The following THSD4 variants were observed in gnomAD, a reference collection of about 807,000 sequenced individuals.
The protein encoded by THSD4 is thrombospondin type 1 domain containing 4.
A neutral mutation model predicts 119.0 loss-of-function variants in THSD4; 69 were observed. The ratio of observed to expected loss-of-function variants is 0.58; its 90% CI spans 0.48 to 0.71. The LOEUF (loss-of-function observed/expected upper bound fraction) is 0.71, where lower values mean the gene tolerates loss of function less well. Among genes scored for constraint, THSD4 ranks in the 30% least tolerant of loss-of-function variants. The probability of loss-of-function intolerance (pLI) is 0.00; values close to 1 mark genes in which losing one functional copy is unlikely to be tolerated. For synonymous variants in THSD4, 524 were observed against 540.4 expected, an observed-to-expected ratio of 0.97 and a Z score of 0.42; for missense variants, 1,393 against 1,391.1, an observed-to-expected ratio of 1.00 and a Z score of -0.02.
intron 8 of THSD4, among the ~76,000 whole-genome samples, chr15:71,693,818 C>A (rs1212854563): frequency 6.6e-6 from 1 of 152,214 alleles, no homozygotes; most frequent in South Asian, 2.1e-4. Flanking sequence ...CGCCTGCCAC[C>A]ATGTAAGACA....
At chr15:71,442,265 G>A (rs910400922) in intron 7 of THSD4, among the ~76,000 whole-genome samples, 16 of 151,668 alleles carry the variant, frequency 1.1e-4, no homozygotes, top group Admixed American at 1.0e-3. Flanking sequence ...GCCCCTTGTT[G>A]CTATCCAAAG....
At chr15:71,235,420 G>C (rs1346089876) in intron 4 of THSD4, among the ~76,000 whole-genome samples, 5 of 152,124 alleles carry the variant, frequency 3.3e-5, no homozygotes, top group Non-Finnish European at 5.9e-5. Context: ...TTTCTCCACA[G>C]AATCTAGTAC....
chr15:71,407,811 C>T (rs1198550225), intron 6 of THSD4, among the ~76,000 whole-genome samples: 1 of 152,178 alleles, frequency 6.6e-6, no homozygotes, highest in African/African-American at 2.4e-5. Context: ...TTGACCATGT[C>T]CTAGACCTCA....
chr15:71,506,438 G>C lies in THSD4; in HGVS notation c.1152+94615G>C, dbSNP rs540151726. The stretch of plus-strand genomic sequence containing the variant: ...AGGAGCTTGCCATCAGCATGGCACA[G>C]AGACAGTAAATTTGTCTCCAGAGAC... On this transcript the variant is annotated intron_variant, in intron 7 of 17. Transcript: ENST00000261862. Among the ~76,000 whole-genome samples the C allele has an allele frequency of 3.3e-5, 5 of 152,286 alleles. No homozygotes were observed. The South Asian group carries it at 1.0e-3, about 32-fold the overall frequency.
intron 6 of THSD4, among the ~76,000 whole-genome samples, chr15:71,400,679 A>G (rs1253762903): frequency 6.6e-6 from 1 of 152,162 alleles, no homozygotes; most frequent in Non-Finnish European, 1.5e-5. Flanking sequence ...ACCCCTGCAT[A>G]TACACTTAAG....
intron 1 of THSD4, among the ~76,000 whole-genome samples, chr15:71,121,139 G>A (rs1310080335): frequency 1.7e-4 from 2 of 11,986 alleles, no homozygotes; most frequent in Non-Finnish European, 4.3e-4. Flanking sequence ...CACTTGTGAT[G>A]TGAAGGAAGA....
intron 8 of THSD4, among the ~76,000 whole-genome samples, chr15:71,699,822 G>C: frequency 6.6e-6 from 1 of 152,028 alleles, no homozygotes; most frequent in South Asian, 2.1e-4. Flanking sequence ...GGAGTAAAAA[G>C]GTCGGTTCAT....
Position 71,208,616 on chromosome 15 carries a change from A to G in THSD4, c.100-6419A>G, listed in dbSNP as rs180890189. 5.9e-4 allele frequency among the ~76,000 whole-genome samples: 89 copies of G among 151,832 alleles called. 1 individual carries two copies. The Middle Eastern group carries it at 0.01, about 17-fold the overall frequency. On this transcript the variant is annotated intron_variant, in intron 3 of 17. Coordinates refer to ENST00000261862, the MANE Select transcript of THSD4 (RefSeq NM_024817.3). Reference sequence around the variant, plus strand: ...AGTCTCTGCCCCCTGGGCTCAAGTGATAATCCTGCCTCACCCTCCTGAGTA... The same window carrying G: ...AGTCTCTGCCCCCTGGGCTCAAGTGGTAATCCTGCCTCACCCTCCTGAGTA...
chr15:71,680,561 TC>T (rs1315085184), intron 8 of THSD4, among the ~76,000 whole-genome samples: 1 of 152,256 alleles, frequency 6.6e-6, no homozygotes, highest in Non-Finnish European at 1.5e-5. Flanking sequence ...TGCTAGGTCC[TC>T]CTTAACTTAC....
intron 7 of THSD4, among the ~76,000 whole-genome samples, chr15:71,522,622 C>T (rs2048459400): frequency 6.6e-6 from 1 of 152,166 alleles, no homozygotes; most frequent in Non-Finnish European, 1.5e-5. Context: ...CTAATATGTG[C>T]CCAATAAACA....
At chr15:71,672,673 G>A (rs1229073522) in intron 8 of THSD4, among the ~76,000 whole-genome samples, 15 of 152,310 alleles carry the variant, frequency 9.8e-5, no homozygotes, top group African/African-American at 3.6e-4. Context: ...TCAGTACCTA[G>A]TTTATTGAGA....
intron 4 of THSD4, among the ~76,000 whole-genome samples, chr15:71,232,149 C>T (rs2044066504): frequency 1.3e-5 from 2 of 152,174 alleles, no homozygotes; most frequent in Admixed American, 1.3e-4. Flanking sequence ...TTTGGGCTCT[C>T]AGGTCGCTCT....
chr15:71,664,952 C>G (rs1235585087), intron 8 of THSD4, among the ~76,000 whole-genome samples: 1 of 152,152 alleles, frequency 6.6e-6, no homozygotes, highest in Non-Finnish European at 1.5e-5. Context: ...CTGCAGTGAA[C>G]ATATGCATGC....
upstream of THSD4, chr15:71,112,314 G>A: frequency 7.5e-7 from 1 of 1,330,086 alleles, no homozygotes; most frequent in Non-Finnish European, 1.0e-6. Context: ...GAGAATGAAG[G>A]GGGGTACTAT....
At chr15:71,414,658 G>A (rs1213854896) in intron 7 of THSD4, among the ~76,000 whole-genome samples, 2 of 152,184 alleles carry the variant, frequency 1.3e-5, no homozygotes, top group African/African-American at 4.8e-5. Context: ...TTCATTAAAT[G>A]TCTATTAGCT....
At chr15:71,360,977 CCTGGAGAATGTGA>C (rs1438966918) in intron 6 of THSD4, among the ~76,000 whole-genome samples, 1 of 152,104 alleles carries the variant, frequency 6.6e-6, no homozygotes, top group Non-Finnish European at 1.5e-5. Flanking sequence ...GGGAAGATTT[CCTGGAGAATGTGA>C]CACTTGAGCT....
chr15:71,116,617 T>C (rs1229819595), intron 1 of THSD4, among the ~76,000 whole-genome samples: 2 of 152,166 alleles, frequency 1.3e-5, no homozygotes, highest in African/African-American at 4.8e-5. Flanking sequence ...GGGCTATGAG[T>C]CTAAAGCTTG....
At chr15:71,589,392 G>T (rs552976968) in intron 7 of THSD4, among the ~76,000 whole-genome samples, 3 of 135,786 alleles carry the variant, frequency 2.2e-5, no homozygotes, top group African/African-American at 7.6e-5. Context: ...GAGTCTCACT[G>T]TCATTCAGGC....
intron 7 of THSD4, among the ~76,000 whole-genome samples, chr15:71,633,486 G>A (rs1042485518): frequency 4.6e-5 from 7 of 152,018 alleles, no homozygotes; most frequent in Non-Finnish European, 8.8e-5. Flanking sequence ...TGTTGCTTGG[G>A]CTGGTCTCGA....
Sources: allele counts gnomAD v4.1 joint callset (sites outside exome capture counted in the v4.1 genomes callset), GRCh38; gene constraint gnomAD v4.1.1; transcripts MANE v1.5; gene names NCBI Gene and HGNC (gene_info 2026-07-23, HGNC 2026-07-21).